NCOR2: variants seen among roughly 807,000 people sequenced by gnomAD.
NCOR2 encodes CTG repeat protein 26.
In NCOR2, 81 loss-of-function variants were observed where a neutral mutation model predicts 262.9. That is an observed-to-expected ratio of 0.31 (90% confidence interval 0.26 to 0.37). The LOEUF (loss-of-function observed/expected upper bound fraction) is 0.37. NCOR2 is among the 10% of genes least tolerant of loss of function. NCOR2 has a pLI of 1.00. For missense variants in NCOR2, 3,385 were observed against 3,621.4 expected, an observed-to-expected ratio of 0.93 and a Z score of 1.68; for synonymous variants, 1,659 against 1,559.3, an observed-to-expected ratio of 1.06 and a Z score of -1.51.
intron 1 of NCOR2, among the ~76,000 whole-genome samples, chr12:124,490,977 A>G (rs555673410): frequency 1.4e-4 from 22 of 152,318 alleles, no homozygotes; most frequent in Non-Finnish European, 2.6e-4. Flanking sequence ...GGTCCTTCCC[A>G]TAGGGAGTCT....
chr12:124,529,012 T>C (rs752103102), intron 1 of NCOR2, among the ~76,000 whole-genome samples: 11 of 151,990 alleles, frequency 7.2e-5, no homozygotes, highest in Admixed American at 1.3e-4. Flanking sequence ...AAACCCCGTC[T>C]CTACTAAAAA....
chr12:124,529,127 C>T (rs1414802680), intron 1 of NCOR2, among the ~76,000 whole-genome samples: 4 of 135,090 alleles, frequency 3.0e-5, no homozygotes, highest in East Asian at 4.2e-4. Context: ...TGCAGTGAGC[C>T]GAGATCGTGC....
At chr12:124,506,491 T>G (rs1260459809) in intron 1 of NCOR2, among the ~76,000 whole-genome samples, 1 of 151,872 alleles carries the variant, frequency 6.6e-6, no homozygotes, top group Admixed American at 6.6e-5. Flanking sequence ...CTTTTTTTTT[T>G]GTTTCCATTT....
chr12:124,336,452 GC>G, intron 38 of NCOR2: 1 of 353,044 alleles, frequency 2.8e-6, no homozygotes, highest in Non-Finnish European at 4.6e-6. Flanking sequence ...AATGATGAGC[GC>G]CCCCAAACCA....
chr12:124,369,827 T>G (rs2136011914), intron 20 of NCOR2, among the ~76,000 whole-genome samples: 1 of 152,084 alleles, frequency 6.6e-6, no homozygotes, highest in Non-Finnish European at 1.5e-5. Flanking sequence ...GACACGGCCC[T>G]GGGCGGGGCT....
intron 1 of NCOR2, among the ~76,000 whole-genome samples, chr12:124,545,514 G>C (rs2051513320): frequency 6.6e-6 from 1 of 152,160 alleles, no homozygotes; most frequent in South Asian, 2.1e-4. Context: ...GACACACGGG[G>C]ACCCTCGAAG....
intron 34 of NCOR2, among the ~76,000 whole-genome samples, chr12:124,341,300 T>G (rs544719789): frequency 3.3e-5 from 5 of 152,032 alleles, no homozygotes; most frequent in Admixed American, 2.0e-4. Flanking sequence ...AGTGCAATGG[T>G]AAAATCTCCA....
chr12:124,327,259 C>T, intron 45 of NCOR2, 150 bp downstream of exon 47: 1 of 682,516 alleles, frequency 1.5e-6, no homozygotes, highest in Non-Finnish European at 2.4e-6. Context: ...TTCAGATTAG[C>T]AAACTCCAGA....
At chr12:124,534,059 G>A (rs887239346) in intron 1 of NCOR2, among the ~76,000 whole-genome samples, 3 of 151,986 alleles carry the variant, frequency 2.0e-5, no homozygotes, top group Non-Finnish European at 2.9e-5. Context: ...TGTAGCCGAC[G>A]GTTCCCAGGC....
intron 1 of NCOR2, among the ~76,000 whole-genome samples, chr12:124,546,812 G>A (rs1415266510): frequency 5.3e-5 from 8 of 152,008 alleles, no homozygotes; most frequent in African/African-American, 9.7e-5. Flanking sequence ...CCCTCTGCCC[G>A]GGAGGACCCA....
At chr12:124,477,673 G>A (rs1184390581) in intron 3 of NCOR2, among the ~76,000 whole-genome samples, 2 of 152,242 alleles carry the variant, frequency 1.3e-5, no homozygotes, top group African/African-American at 2.4e-5. Flanking sequence ...TGCCAAGAGC[G>A]CTTCCCCTGG....
chr12:124,416,622 G>A (rs1165004571), intron 13 of NCOR2, among the ~76,000 whole-genome samples: 1 of 144,368 alleles, frequency 6.9e-6, no homozygotes, highest in Non-Finnish European at 1.5e-5. Flanking sequence ...GGCACAGGGA[G>A]TCCCCGCGGC....
At chr12:124,382,473 C>G (rs1189141889) in intron 17 of NCOR2, among the ~76,000 whole-genome samples, 2 of 152,266 alleles carry the variant, frequency 1.3e-5, no homozygotes, top group African/African-American at 4.8e-5. Flanking sequence ...GTCCACGCCT[C>G]CAGAGTCTTC....
At chr12:124,386,021 C>A in intron 16 of NCOR2, 134 bp from the exon 19 acceptor site, 7 of 1,151,766 alleles carry the variant, frequency 6.1e-6, no homozygotes, top group Non-Finnish European at 7.2e-6. Context: ...CCCAGGACCT[C>A]TGGAAGAAGA....
intron 12 of NCOR2, among the ~76,000 whole-genome samples, chr12:124,421,953 C>T (rs927898218): frequency 3.9e-5 from 6 of 152,234 alleles, no homozygotes; most frequent in Admixed American, 1.3e-4. Flanking sequence ...CTCAGGTCCA[C>T]ACAAAGGTTT....
At chr12:124,547,284 C>G (rs1257562486) in intron 1 of NCOR2, among the ~76,000 whole-genome samples, 3 of 152,230 alleles carry the variant, frequency 2.0e-5, no homozygotes, top group Non-Finnish European at 4.4e-5. Context: ...TGAGCCACCA[C>G]ACCTGGCCTG....
intron 13 of NCOR2, 22 bp from the exon 16 acceptor site, chr12:124,402,583 C>T: frequency 1.9e-6 from 3 of 1,550,598 alleles, no homozygotes; most frequent in Non-Finnish European, 2.6e-6. Context: ...CGGGGGAGGG[C>T]AGAGGGGAGT....
intron 1 of NCOR2, chr12:124,518,318 T>C (rs1362233754): frequency 1.3e-5 from 2 of 152,286 alleles, no homozygotes; most frequent in African/African-American, 2.4e-5. Flanking sequence ...GACCCATCCT[T>C]CCTCCAGGAT....
chr12:124,445,760 A>G (rs949960046), intron 7 of NCOR2, among the ~76,000 whole-genome samples: 5 of 152,216 alleles, frequency 3.3e-5, no homozygotes, highest in Non-Finnish European at 7.3e-5. Context: ...ATTCACTCCT[A>G]TCTCCTAGAG....
Sources: allele counts gnomAD v4.1 joint callset (sites outside exome capture counted in the v4.1 genomes callset), GRCh38; gene constraint gnomAD v4.1.1; transcripts MANE v1.5; gene names NCBI Gene and HGNC (gene_info 2026-07-23, HGNC 2026-07-21).